Variants in STAU1 observed in about 807,000 individuals in gnomAD.
STAU1 encodes the protein staufen double-stranded RNA binding protein 1, also known as double-stranded RNA-binding protein Staufen homolog 1.
Under a neutral mutation model 62.9 loss-of-function variants are expected in STAU1, and 13 were observed. The ratio of observed to expected loss-of-function variants is 0.21; its 90% confidence interval spans 0.13 to 0.33. STAU1 has a LOEUF of 0.33. STAU1 is among the 10% of genes least tolerant of loss of function. STAU1 has a pLI of 1.00. For synonymous variants in STAU1, 269 were observed against 265.1 expected (o/e 1.01, Z -0.14); for missense variants, 571 against 712.1 (o/e 0.80, Z 2.25).
chr20:49,215,689 T>C, the STAU1 span, among the ~76,000 whole-genome samples: 91 of 152,116 alleles, frequency 6.0e-4, 1 homozygote, highest in Admixed American at 6.0e-3. Context: ...TCACCTTGAG[T>C]CTCCGAGAAT....
chr20:49,137,671 T>G (rs559986087), intron 5 of STAU1, among the ~76,000 whole-genome samples: 1 of 144,880 alleles, frequency 6.9e-6, no homozygotes, highest in African/African-American at 2.5e-5. Context: ...TACACTCAAC[T>G]TTTTTTTTTT....
chr20:49,152,049 T>C (rs1401962307), intron 4 of STAU1, among the ~76,000 whole-genome samples: 1 of 152,218 alleles, frequency 6.6e-6, no homozygotes, highest in African/African-American at 2.4e-5. Flanking sequence ...AATTAGGCTT[T>C]GGCTGAGACA....
chr20:49,193,353 G>A (rs1340173870), upstream of STAU1, among the ~76,000 whole-genome samples: 1 of 151,902 alleles, frequency 6.6e-6, no homozygotes, highest in East Asian at 1.9e-4. Context: ...CTGCAGCCTG[G>A]CCAACAGAGC....
chr20:49,194,951 A>AT, the STAU1 span, among the ~76,000 whole-genome samples: 2 of 152,092 alleles, frequency 1.3e-5, no homozygotes, highest in Non-Finnish European at 2.9e-5. Context: ...GTAAAAAAAA[A>AT]AATAATAATA....
the STAU1 span, among the ~76,000 whole-genome samples, chr20:49,218,805 G>A: frequency 6.6e-6 from 1 of 151,656 alleles, no homozygotes; most frequent in African/African-American, 2.4e-5. Context: ...AGTTTGGGAG[G>A]CCGAGGCAGG....
At chr20:49,210,555 C>T in the STAU1 span, 1 of 453,910 alleles carries the variant, frequency 2.2e-6, no homozygotes, top group Admixed American at 2.4e-5. Flanking sequence ...CTAGAGCTGT[C>T]AAAAAGCACA....
At chr20:49,135,365 T>C (rs373238709) in intron 6 of STAU1, among the ~76,000 whole-genome samples, 7 of 152,368 alleles carry the variant, frequency 4.6e-5, no homozygotes, top group African/African-American at 1.2e-4. Context: ...ATTATTGTTT[T>C]TAGAACACAA....
chr20:49,195,749 C>CAAA, the STAU1 span, among the ~76,000 whole-genome samples: 1 of 149,008 alleles, frequency 6.7e-6, no homozygotes, highest in South Asian at 2.1e-4. Flanking sequence ...ACTAAAAATA[C>CAAA]AAAATTAGCC....
chr20:49,119,876 T>C (rs2092423558), intron 9 of STAU1, 106 bp downstream of exon 9: 4 of 1,365,428 alleles, frequency 2.9e-6, no homozygotes, highest in Admixed American at 4.9e-5. Context: ...CTCCTTGAAC[T>C]GTCAGGCAGA....
At chr20:49,134,653 T>C (rs1169667016) in intron 6 of STAU1, 3 of 1,204,232 alleles carry the variant, frequency 2.5e-6, no homozygotes, top group African/African-American at 3.0e-5. Flanking sequence ...TCAAAAACTA[T>C]GAAATTAAGA....
chr20:49,137,036 A>C (rs1288091678), intron 5 of STAU1, among the ~76,000 whole-genome samples: 1 of 152,056 alleles, frequency 6.6e-6, no homozygotes. Context: ...ATGGCAGTAC[A>C]CGACTATTGC....
At chr20:49,218,935 G>A in the STAU1 span, among the ~76,000 whole-genome samples, 1 of 146,282 alleles carries the variant, frequency 6.8e-6, no homozygotes. Flanking sequence ...AGGATCGCTT[G>A]AGCCCGGGAA....
chr20:49,178,909 TAAAAA>T (rs11324304), intron 1 of STAU1, among the ~76,000 whole-genome samples: 1 of 116,428 alleles, frequency 8.6e-6, no homozygotes, highest in African/African-American at 3.3e-5. Flanking sequence ...CCGTCTCCAC[TAAAAA>T]AAAAAAAAAA....
intron 5 of STAU1, among the ~76,000 whole-genome samples, chr20:49,150,198 A>T (rs756783117): frequency 7.6e-4 from 116 of 152,214 alleles, no homozygotes; most frequent in Non-Finnish European, 1.4e-3. Context: ...TTTAGTCACA[A>T]AAATGTTAAA....
At position 49,164,123 on chromosome 20, in the gene STAU1, G is replaced by A. The variant is rs111439631; in HGVS notation, c.205+1874C>T. On this transcript the variant is annotated intron_variant, in intron 3 of 13. Coordinates refer to ENST00000371856, the MANE Select transcript of STAU1 (RefSeq NM_017453.4). ...CAGGCACCTGTAATCCCAGCTACTC[G>A]GGAGGCTGAGGCAGGAGAATCGCTT... 7.3e-3 allele frequency among the ~76,000 whole-genome samples: 1,102 copies of A among 151,896 alleles called. 15 individuals carry two copies. Among genetic ancestry groups the A allele is most frequent in the South Asian group, 0.014 (67 of 4,810 alleles).
chr20:49,134,223 G>A (rs1486142687), intron 6 of STAU1, among the ~76,000 whole-genome samples: 1 of 151,958 alleles, frequency 6.6e-6, no homozygotes, highest in African/African-American at 2.4e-5. Flanking sequence ...CCTGAGGTTA[G>A]GAGTTCGAGA....
chr20:49,207,002 C>T, the STAU1 span, among the ~76,000 whole-genome samples: 1 of 151,628 alleles, frequency 6.6e-6, no homozygotes. Flanking sequence ...GATCCACCCG[C>T]CTTGGCCTCC....
intron 1 of STAU1, among the ~76,000 whole-genome samples, chr20:49,184,256 G>A (rs2093760659): frequency 6.6e-6 from 1 of 151,918 alleles, no homozygotes; most frequent in Non-Finnish European, 1.5e-5. Flanking sequence ...CTGCAGCCTG[G>A]GTGACAAGAG....
chr20:49,127,623 T>C (rs891462772), intron 6 of STAU1, among the ~76,000 whole-genome samples: 6 of 152,066 alleles, frequency 3.9e-5, no homozygotes, highest in African/African-American at 1.4e-4. Context: ...GGAGAAATGC[T>C]TGAACCCCAG....
Sources: gnomAD v4.1 joint callset for allele counts (sites outside exome capture counted in the v4.1 genomes callset) on GRCh38, gnomAD v4.1.1 for gene constraint, MANE v1.5 for transcripts, NCBI Gene and HGNC (gene_info 2026-07-23, HGNC 2026-07-21) for gene names.